Variants in FGL1 observed in about 807,000 individuals in gnomAD.
FGL1 encodes the protein fibrinogen like 1, also known as fibrinogen-like protein 1.
A neutral mutation model predicts 43.7 loss-of-function variants in FGL1; 59 were observed. That is an observed-to-expected ratio of 1.35 (90% confidence interval 1.10 to 1.68). The LOEUF (loss-of-function observed/expected upper bound fraction) is 1.68, where lower values mean the gene tolerates loss of function less well. FGL1 is among the 40% of genes most tolerant of loss of function. The pLI, the probability that FGL1 is intolerant of heterozygous loss-of-function variation, is 0.00. For missense variants in FGL1, 596 were observed against 373.0 expected, an observed-to-expected ratio of 1.60 and a Z score of -4.92; for synonymous variants, 192 against 126.5, an observed-to-expected ratio of 1.52 and a Z score of -3.48.
chr8:17,886,711 T>C (rs573978616), intron 1 of FGL1, among the ~76,000 whole-genome samples: 1 of 152,152 alleles, frequency 6.6e-6, no homozygotes, highest in South Asian at 2.1e-4. Context: ...TGAGCCGAGA[T>C]CGTGCCAATG....
At chr8:17,870,841 G>A (rs1484063851) in intron 5 of FGL1, among the ~76,000 whole-genome samples, 1 of 152,082 alleles carries the variant, frequency 6.6e-6, no homozygotes. Flanking sequence ...GGGAGGCAGA[G>A]GTTGCAGTGA....
At chr8:17,877,275 A>G (rs1320231621) in intron 3 of FGL1, among the ~76,000 whole-genome samples, 2 of 152,188 alleles carry the variant, frequency 1.3e-5, no homozygotes, top group African/African-American at 4.8e-5. Flanking sequence ...TTTACATAAT[A>G]CTAGACAGAG....
chr8:17,885,752 TTA>T, intron 1 of FGL1, 181 bp from the exon 2 acceptor site: 1 of 542,248 alleles, frequency 1.8e-6, no homozygotes, highest in Non-Finnish European at 3.3e-6. Flanking sequence ...ACACTGAGTG[TTA>T]ACTAGAATTG....
chr8:17,877,342 G>A (rs1196802982), intron 3 of FGL1, among the ~76,000 whole-genome samples: 2 of 152,196 alleles, frequency 1.3e-5, no homozygotes, highest in Non-Finnish European at 2.9e-5. Context: ...GGTTATGTGT[G>A]TCCTTTCTCT....
intron 5 of FGL1, among the ~76,000 whole-genome samples, chr8:17,872,205 A>C (rs2053374122): frequency 6.6e-6 from 1 of 152,092 alleles, no homozygotes; most frequent in Non-Finnish European, 1.5e-5. Context: ...GTCTCAAAGA[A>C]CTTTATAACC....
chr8:17,866,770 A>G (rs920229734), intron 7 of FGL1, among the ~76,000 whole-genome samples: 3 of 152,260 alleles, frequency 2.0e-5, no homozygotes, highest in Non-Finnish European at 4.4e-5. Flanking sequence ...TCAGGATACT[A>G]TTAGTAATTA....
intron 5 of FGL1, among the ~76,000 whole-genome samples, chr8:17,869,630 G>A (rs1026997620): frequency 1.3e-5 from 2 of 152,144 alleles, no homozygotes; most frequent in Non-Finnish European, 2.9e-5. Flanking sequence ...TAGCATCAAA[G>A]TATGTAGAGT....
At chr8:17,865,809 GA>G (rs936551185) in intron 7 of FGL1, among the ~76,000 whole-genome samples, 1 of 152,104 alleles carries the variant, frequency 6.6e-6, no homozygotes, top group African/African-American at 2.4e-5. Context: ...AACATCTATG[GA>G]AAAACCCAAA....
At chr8:17,885,117 T>C (rs2053608743) in intron 2 of FGL1, among the ~76,000 whole-genome samples, 1 of 152,004 alleles carries the variant, frequency 6.6e-6, no homozygotes, top group African/African-American at 2.4e-5. Flanking sequence ...CTCAGTTCAC[T>C]GCAATCTCCG....
At chr8:17,879,405 C>T (rs943406027) in intron 3 of FGL1, among the ~76,000 whole-genome samples, 1 of 151,990 alleles carries the variant, frequency 6.6e-6, no homozygotes, top group Non-Finnish European at 1.5e-5. Context: ...GGATGTGTGT[C>T]CCCACCAAAT....
At chr8:17,868,320 T>G in intron 7 of FGL1, 1 of 335,202 alleles carries the variant, frequency 3.0e-6, no homozygotes, top group Non-Finnish European at 5.3e-6. Flanking sequence ...CAAATGATCT[T>G]TGTAAAAGTA....
At chr8:17,875,535 C>CTCTCTCTT (rs2053437627) in intron 3 of FGL1, among the ~76,000 whole-genome samples, 2 of 25,456 alleles carry the variant, frequency 7.9e-5, no homozygotes, top group African/African-American at 1.4e-4. Context: ...TTCTTTCTTT[C>CTCTCTCTT]TCTTTCTTTC....
intron 2 of FGL1, chr8:17,882,664 G>C (rs1467838778): frequency 1.6e-5 from 2 of 127,904 alleles, no homozygotes; most frequent in African/African-American, 7.3e-5. Context: ...TTGAATGGCT[G>C]TCTGGTATAA....
intron 1 of FGL1, among the ~76,000 whole-genome samples, chr8:17,890,857 C>G (rs370731857): frequency 1.3e-5 from 2 of 152,158 alleles, no homozygotes; most frequent in East Asian, 3.9e-4. Flanking sequence ...ATCACGAAAA[C>G]AGCAGCATGG....
chr8:17,873,665 T>C (rs1302623898), intron 5 of FGL1, among the ~76,000 whole-genome samples: 1 of 144,108 alleles, frequency 6.9e-6, no homozygotes, highest in East Asian at 2.0e-4. Flanking sequence ...GTAGAATATA[T>C]ATATATTCTA....
chr8:17,871,157 T>C (rs1475634277), intron 5 of FGL1, among the ~76,000 whole-genome samples: 1 of 152,068 alleles, frequency 6.6e-6, no homozygotes, highest in African/African-American at 2.4e-5. Context: ...CTGTAGAGTG[T>C]ATAAGAGCAG....
intron 1 of FGL1, among the ~76,000 whole-genome samples, chr8:17,890,188 A>G (rs530941539): frequency 3.9e-4 from 60 of 152,190 alleles, no homozygotes; most frequent in Non-Finnish European, 3.1e-4. Flanking sequence ...TACAACATCC[A>G]ATCATTTCTC....
chr8:17,885,975 A>G (rs973021440), intron 1 of FGL1, among the ~76,000 whole-genome samples: 10 of 152,130 alleles, frequency 6.6e-5, no homozygotes, highest in Non-Finnish European at 1.3e-4. Flanking sequence ...GCTGGTCTCA[A>G]ACTCCTGGGC....
At chr8:17,872,267 A>C (rs993258916) in intron 5 of FGL1, among the ~76,000 whole-genome samples, 1 of 146,422 alleles carries the variant, frequency 6.8e-6, no homozygotes, top group African/African-American at 2.6e-5. Context: ...CAGAACTTGG[A>C]TGGAACAAAG....
Sources: allele counts gnomAD v4.1 joint callset (sites outside exome capture counted in the v4.1 genomes callset), GRCh38; gene constraint gnomAD v4.1.1; transcripts MANE v1.5; gene names NCBI Gene and HGNC (gene_info 2026-07-23, HGNC 2026-07-21).